Variants in JAM3 observed in about 807,000 individuals in gnomAD.
JAM3 encodes junctional adhesion molecule 3.
JAM3 carries 31 observed loss-of-function variants against 39.4 expected under a neutral mutation model. That is an observed-to-expected ratio of 0.79 (90% CI 0.59 to 1.06). JAM3 has a LOEUF of 1.06. Ranked by LOEUF, JAM3 falls within the 50% of genes least tolerant of loss-of-function variation. The probability of loss-of-function intolerance (pLI) is 0.00; values close to 1 mark genes in which losing one functional copy is unlikely to be tolerated. For missense variants in JAM3, 455 were observed against 391.4 expected, an observed-to-expected ratio of 1.16 and a Z score of -1.37; for synonymous variants, 182 against 148.7, an observed-to-expected ratio of 1.22 and a Z score of -1.63.
At chr11:134,111,057 G>T (rs1437060835) in intron 1 of JAM3, among the ~76,000 whole-genome samples, 2 of 145,026 alleles carry the variant, frequency 1.4e-5, no homozygotes, top group African/African-American at 2.6e-5. Flanking sequence ...ATGAATCCTT[G>T]AATTAATTCT....
At chr11:134,087,195 A>G (rs912944986) in intron 1 of JAM3, among the ~76,000 whole-genome samples, 1 of 152,038 alleles carries the variant, frequency 6.6e-6, no homozygotes, top group African/African-American at 2.4e-5. Context: ...ATGAAGTATT[A>G]CAATGAAGGA....
intron 1 of JAM3, among the ~76,000 whole-genome samples, chr11:134,115,330 A>T (rs1049772515): frequency 6.6e-6 from 1 of 152,100 alleles, no homozygotes; most frequent in Non-Finnish European, 1.5e-5. Context: ...ATGCCATTTA[A>T]TTGGGATGTT....
intron 1 of JAM3, among the ~76,000 whole-genome samples, chr11:134,079,558 G>C (rs1941630703): frequency 6.6e-6 from 1 of 152,044 alleles, no homozygotes. Context: ...CTGTATCGTG[G>C]GTGTTAGGCA....
At chr11:134,116,177 A>G (rs1942428933) in intron 1 of JAM3, among the ~76,000 whole-genome samples, 1 of 152,216 alleles carries the variant, frequency 6.6e-6, no homozygotes, top group Admixed American at 6.5e-5. Flanking sequence ...GATGTATGCT[A>G]AAATTACCAT....
At position 134,149,239 on chromosome 11, in the gene JAM3, C is replaced by G; in HGVS notation, c.*58C>G. ...CACGTGCACATACCTCTGCTAGAAA[C>G]TCCTGTCAAGGCAGCGAGAGCTGAT... On this transcript the variant is annotated 3_prime_UTR_variant, in exon 9 of 9. Transcript: ENST00000299106. 6.2e-7 allele frequency: 1 copy of G among 1,607,532 alleles called. No individual in the cohort carries two copies. The highest frequency in any genetic ancestry group is 8.5e-7 in the Non-Finnish European group (1 of 1,174,338).
intron 1 of JAM3, among the ~76,000 whole-genome samples, chr11:134,135,443 A>G (rs775151024): frequency 6.6e-6 from 1 of 152,190 alleles, no homozygotes; most frequent in Non-Finnish European, 1.5e-5. Flanking sequence ...AAGTTTTGCA[A>G]TCAGACGTTG....
At chr11:134,086,878 G>A (rs562031543) in intron 1 of JAM3, among the ~76,000 whole-genome samples, 18 of 152,010 alleles carry the variant, frequency 1.2e-4, no homozygotes, top group African/African-American at 2.7e-4. Context: ...AACACGGTTC[G>A]CTGCAGCCTT....
Position 134,094,794 on chromosome 11 carries a change from GTTGT to G in JAM3, c.76+25638_76+25641del, listed in dbSNP as rs145417191. ...TAGAATTAGAATGTTGTTTGTGTGT[GTTGT>G]TTATTTGTGTATTATTAGAAGGCAG... On this transcript the variant is annotated intron_variant, in intron 1 of 8. Transcript: ENST00000299106. Among the ~76,000 whole-genome samples the G allele has an allele frequency of 2.2e-3, 341 of 152,304 alleles. 6 individuals are homozygous for G. The East Asian group carries it at 0.047, about 21-fold the overall frequency.
chr11:134,105,924 G>A (rs1030515983), intron 1 of JAM3, among the ~76,000 whole-genome samples: 15 of 152,044 alleles, frequency 9.9e-5, no homozygotes, highest in African/African-American at 1.9e-4. Flanking sequence ...CCATACCGCC[G>A]AAGGTAATTT....
chr11:134,149,144 A>T lies in JAM3; in HGVS notation c.898-2A>T. 1 of 1,613,990 alleles carries T rather than the reference A, an allele frequency of 6.2e-7. No homozygotes were observed. Among genetic ancestry groups the T allele is most frequent in the Non-Finnish European group, 8.5e-7 (1 of 1,179,872 alleles). ...GGCTCTAACTGTGTGTTGGCTTTGC[A>T]GGGCGACTTCAGACACAAGTCATCG... On this transcript the variant is annotated splice_acceptor_variant, in intron 8 of 8. Transcript: ENST00000299106. LOFTEE classifies it high-confidence loss of function.
At chr11:134,111,133 CTTTT>C (rs71038561) in intron 1 of JAM3, among the ~76,000 whole-genome samples, 34 of 86,736 alleles carry the variant, frequency 3.9e-4, no homozygotes, top group African/African-American at 1.8e-3. Context: ...ACACATCCAT[CTTTT>C]TTTTTTTTTT....
intron 3 of JAM3, among the ~76,000 whole-genome samples, 168 bp downstream of exon 3, chr11:134,140,938 A>T (rs1479114489): frequency 1.3e-5 from 2 of 151,870 alleles, no homozygotes; most frequent in Non-Finnish European, 2.9e-5. Flanking sequence ...TATATGCAAA[A>T]GTAATGCAAA....
chr11:134,148,270 G>A (rs1274333589), intron 6 of JAM3: 3 of 476,720 alleles, frequency 6.3e-6, no homozygotes, highest in African/African-American at 3.9e-5. Flanking sequence ...GGATTTTTAA[G>A]CCTACAGTGC....
intron 1 of JAM3, among the ~76,000 whole-genome samples, chr11:134,114,526 G>A (rs897701391): frequency 6.6e-6 from 1 of 152,112 alleles, no homozygotes; most frequent in Non-Finnish European, 1.5e-5. Context: ...GGGCTCTGTT[G>A]TGTTCCATTG....
Position 134,136,879 on chromosome 11 carries a change from C to T in JAM3, c.77-2972C>T, listed in dbSNP as rs192742788. Among the ~76,000 whole-genome samples, 19 of 152,176 alleles carry T rather than the reference C, an allele frequency of 1.2e-4. No homozygotes were observed. In the East Asian group the frequency reaches 1.4e-3, roughly 11 times the overall value. On this transcript the variant is annotated intron_variant, in intron 1 of 8. Transcript: ENST00000299106. ...CTGTAATCCCAGCACTTTGGGAGGC[C>T]GAGGCGGACGGATCACAAGGTCAGG...
chr11:134,127,278 G>A (rs1942667622), intron 1 of JAM3, among the ~76,000 whole-genome samples: 3 of 152,210 alleles, frequency 2.0e-5, no homozygotes, highest in Non-Finnish European at 4.4e-5. Context: ...TGACTGTCTT[G>A]AAGAGTGACC....
chr11:134,085,007 T>C (rs1479113438), intron 1 of JAM3, among the ~76,000 whole-genome samples: 1 of 152,190 alleles, frequency 6.6e-6, no homozygotes, highest in Non-Finnish European at 1.5e-5. Context: ...TTGTTCTTGC[T>C]GGGCATCTCA....
intron 1 of JAM3, among the ~76,000 whole-genome samples, chr11:134,103,247 A>G (rs1235256856): frequency 3.9e-5 from 6 of 152,180 alleles, no homozygotes; most frequent in South Asian, 2.1e-4. Context: ...CCAGAATTTC[A>G]TATCCAGCCA....
chr11:134,110,371 G>T (rs1942286150), intron 1 of JAM3, among the ~76,000 whole-genome samples: 1 of 152,188 alleles, frequency 6.6e-6, no homozygotes, highest in Admixed American at 6.5e-5. Flanking sequence ...TTTATTTGTA[G>T]CATCTAAAAA....
Sources: allele counts gnomAD v4.1 joint callset (sites outside exome capture counted in the v4.1 genomes callset), GRCh38; gene constraint gnomAD v4.1.1; transcripts MANE v1.5; gene names NCBI Gene and HGNC (gene_info 2026-07-23, HGNC 2026-07-21).